SNAP23: variants seen among roughly 807,000 people sequenced by gnomAD.
SNAP23 encodes synaptosome associated protein 23.
In SNAP23, 11 loss-of-function variants were observed where a neutral mutation model predicts 29.0. The observed-to-expected ratio is 0.38, with a 90% CI of 0.24 to 0.63. The LOEUF is 0.63. Ranked by LOEUF, SNAP23 falls within the 20% of genes least tolerant of loss-of-function variation. The probability of loss-of-function intolerance (pLI) is 0.58; values close to 1 mark genes in which losing one functional copy is unlikely to be tolerated. For missense variants in SNAP23, 220 were observed against 253.9 expected, an observed-to-expected ratio of 0.87 and a Z score of 0.91; for synonymous variants, 60 against 82.9, an observed-to-expected ratio of 0.72 and a Z score of 1.50.
intron 5 of SNAP23, among the ~76,000 whole-genome samples, chr15:42,522,393 A>C (rs988902101): frequency 2.0e-5 from 3 of 152,076 alleles, no homozygotes; most frequent in African/African-American, 7.2e-5. Flanking sequence ...ACTAATATTA[A>C]TTTTTCATGG....
chr15:42,530,628 T>C (rs2057555472), intron 7 of SNAP23, among the ~76,000 whole-genome samples: 2 of 152,162 alleles, frequency 1.3e-5, no homozygotes, highest in Admixed American at 1.3e-4. Context: ...CATGTGCCTA[T>C]TGTCCCAGTT....
intron 1 of SNAP23, among the ~76,000 whole-genome samples, chr15:42,498,069 C>CCT (rs1443768404): frequency 6.6e-6 from 1 of 152,144 alleles, no homozygotes; most frequent in African/African-American, 2.4e-5. Context: ...GGGTTCAGGC[C>CCT]CAGAGGCTGC....
chr15:42,491,771 G>A (rs1024663904), upstream of SNAP23, among the ~76,000 whole-genome samples: 1 of 152,072 alleles, frequency 6.6e-6, no homozygotes, highest in African/African-American at 2.4e-5. Flanking sequence ...AAGTAGAGAC[G>A]GGGTTTCACC....
chr15:42,499,260 C>T (rs2595939), intron 1 of SNAP23, among the ~76,000 whole-genome samples: 86,794 of 151,942 alleles, frequency 0.57, 29,972 homozygotes, highest in East Asian at 0.79. Flanking sequence ...TAGAGACGGA[C>T]GGGGTTTCTC....
chr15:42,517,024 AT>A (rs550759685), intron 5 of SNAP23, among the ~76,000 whole-genome samples: 418 of 151,956 alleles, frequency 2.8e-3, no homozygotes, highest in African/African-American at 9.5e-3. Flanking sequence ...GGTTCAAGTG[AT>A]TCTCCTGCCT....
At chr15:42,497,989 C>A (rs1393076922) in intron 1 of SNAP23, among the ~76,000 whole-genome samples, 1 of 152,244 alleles carries the variant, frequency 6.6e-6, no homozygotes, top group Non-Finnish European at 1.5e-5. Context: ...CCATGTCTCA[C>A]ATCTAGGGCA....
intron 1 of SNAP23, chr15:42,505,737 G>A (rs2057311937): frequency 1.3e-5 from 2 of 151,434 alleles, no homozygotes; most frequent in Non-Finnish European, 2.9e-5. Flanking sequence ...TGTATTTTTA[G>A]TAGAGACGGG....
At chr15:42,507,663 T>G (rs1014358842) in intron 1 of SNAP23, among the ~76,000 whole-genome samples, 27 of 152,232 alleles carry the variant, frequency 1.8e-4, no homozygotes, top group African/African-American at 6.5e-4. Context: ...AAGGAAAATG[T>G]CTGCAGAGAA....
intron 1 of SNAP23, among the ~76,000 whole-genome samples, chr15:42,508,084 G>C (rs1196946687): frequency 6.6e-6 from 1 of 151,906 alleles, no homozygotes; most frequent in Non-Finnish European, 1.5e-5. Flanking sequence ...GGATAACATA[G>C]TGAGACCCTG....
intron 5 of SNAP23, among the ~76,000 whole-genome samples, chr15:42,517,860 G>A (rs2057409927): frequency 6.6e-6 from 1 of 152,122 alleles, no homozygotes; most frequent in African/African-American, 2.4e-5. Context: ...ACAGGTGTGT[G>A]CCACCATGCC....
At chr15:42,513,356 G>T in intron 3 of SNAP23, 43 bp from the exon 4 acceptor site, 1 of 1,563,454 alleles carries the variant, frequency 6.4e-7, no homozygotes, top group South Asian at 1.1e-5. Context: ...TGTTGTTTTT[G>T]GTTTGTTTTG....
intron 5 of SNAP23, among the ~76,000 whole-genome samples, chr15:42,515,889 A>G (rs1411270727): frequency 6.6e-6 from 1 of 152,164 alleles, no homozygotes; most frequent in Non-Finnish European, 1.5e-5. Context: ...CATCTTATAG[A>G]AGAGGTAGGA....
intron 4 of SNAP23, among the ~76,000 whole-genome samples, chr15:42,513,843 C>T (rs920619175): frequency 5.9e-5 from 9 of 151,842 alleles, no homozygotes; most frequent in East Asian, 3.9e-4. Flanking sequence ...GATGAAGTTT[C>T]GCTCTTCTTG....
intron 1 of SNAP23, among the ~76,000 whole-genome samples, chr15:42,502,486 C>T (rs1268739272): frequency 6.6e-6 from 1 of 152,074 alleles, no homozygotes; most frequent in African/African-American, 2.4e-5. Context: ...TCAAGACCAG[C>T]CTGGGCAACA....
chr15:42,494,500 T>G (rs1300016547), upstream of SNAP23, among the ~76,000 whole-genome samples: 1 of 106,572 alleles, frequency 9.4e-6, no homozygotes, highest in Non-Finnish European at 1.8e-5. Context: ...CACCCAGCTA[T>G]TTTTTCTTTC....
chr15:42,525,810 C>A (rs1217830291), intron 5 of SNAP23, among the ~76,000 whole-genome samples: 1 of 152,030 alleles, frequency 6.6e-6, no homozygotes, highest in Non-Finnish European at 1.5e-5. Flanking sequence ...CAATCTGATT[C>A]TTTGTTTATA....
intron 1 of SNAP23, chr15:42,505,629 C>T (rs1193263379): frequency 1.4e-5 from 2 of 146,754 alleles, no homozygotes; most frequent in Non-Finnish European, 3.0e-5. Context: ...GATCTCGGCT[C>T]ACTGCGACCT....
intron 5 of SNAP23, among the ~76,000 whole-genome samples, chr15:42,525,451 CTTTTTTTTTTTTTTTTTTTT>C (rs1158969519): frequency 2.1e-5 from 1 of 47,180 alleles, no homozygotes; most frequent in Non-Finnish European, 3.6e-5. Context: ...ATCCAGTCTT[CTTTTTTTTTTTTTTTTTTTT>C]TTTTTTTTTT....
At chr15:42,509,598 C>G (rs900438901) in intron 1 of SNAP23, among the ~76,000 whole-genome samples, 1 of 151,994 alleles carries the variant, frequency 6.6e-6, no homozygotes, top group African/African-American at 2.4e-5. Context: ...CACCACCACT[C>G]CCGGCTAATT....
Sources: allele counts gnomAD v4.1 joint callset (sites outside exome capture counted in the v4.1 genomes callset), GRCh38; gene constraint gnomAD v4.1.1; transcripts MANE v1.5; gene names NCBI Gene and HGNC (gene_info 2026-07-23, HGNC 2026-07-21).